The following SENP5 variants were observed in gnomAD, a reference collection of about 807,000 sequenced individuals.
SENP5 encodes the protein sentrin-specific protease 5.
In SENP5, 21 loss-of-function variants were observed where a neutral mutation model predicts 74.2. The ratio of observed to expected loss-of-function variants is 0.28; its 90% CI spans 0.20 to 0.41. The LOEUF (loss-of-function observed/expected upper bound fraction) is 0.41, where lower values mean the gene tolerates loss of function less well. SENP5 is among the 10% of genes least tolerant of loss of function. SENP5 has a pLI of 1.00. For missense variants in SENP5, 717 were observed against 889.1 expected (o/e 0.81, Z 2.46); for synonymous variants, 311 against 312.7 (o/e 0.99, Z 0.06).
intron 1 of SENP5, among the ~76,000 whole-genome samples, chr3:196,878,312 CCTTT>C (rs1713569137): frequency 6.6e-6 from 1 of 152,226 alleles, no homozygotes; most frequent in East Asian, 1.9e-4. Flanking sequence ...TCCTGACCTC[CCTTT>C]CTTCTCCCCG....
chr3:196,914,339 C>G (rs1276711555), intron 6 of SENP5: 1 of 151,626 alleles, frequency 6.6e-6, no homozygotes, highest in South Asian at 2.1e-4. Context: ...TATTAGTAAA[C>G]TGATGTTAAA....
At chr3:196,890,322 A>G (rs572916929) in intron 2 of SENP5, among the ~76,000 whole-genome samples, 48 of 152,360 alleles carry the variant, frequency 3.2e-4, no homozygotes, top group African/African-American at 9.1e-4. Flanking sequence ...ATTAGCCACT[A>G]TTGAGTTCTG....
In SENP5 at chr3:196,932,550, CTG is replaced by C. The variant is rs1406592718; in HGVS notation, c.*1631_*1632del. ...TGTCAAACCAGGTCAGTGTTTCTTA[CTG>C]TGTTTCAAGTCGTTAAAAAGACTGA... On this transcript the variant is annotated 3_prime_UTR_variant, in exon 10 of 10. Coordinates refer to ENST00000323460, the MANE Select transcript of SENP5 (RefSeq NM_152699.5). The C allele has an allele frequency of 1.3e-5, 2 of 152,056 alleles. No individual in the cohort carries two copies. 9.4% of individuals were successfully genotyped at this position (152,056 alleles called of 1,614,324 possible). A position where few individuals can be genotyped will look rare whatever the true frequency, so the allele number is the denominator to read the frequency against.
At chr3:196,907,536 T>C (rs141386285) in intron 6 of SENP5, among the ~76,000 whole-genome samples, 8 of 151,642 alleles carry the variant, frequency 5.3e-5, no homozygotes, top group East Asian at 1.9e-4. Context: ...GCAAAAAATA[T>C]ACATTCATGG....
intron 1 of SENP5, among the ~76,000 whole-genome samples, chr3:196,874,985 G>C (rs554881867): frequency 7.2e-5 from 11 of 152,090 alleles, no homozygotes; most frequent in African/African-American, 2.7e-4. Flanking sequence ...TATAGCTTTG[G>C]TTACTCTAAG....
intron 2 of SENP5, 55 bp from the exon 3 acceptor site, chr3:196,899,611 C>CT (rs1299705577): frequency 9.5e-7 from 1 of 1,056,466 alleles, no homozygotes; most frequent in East Asian, 2.4e-5. Flanking sequence ...GAGAATGACT[C>CT]TACTGAAAAT....
chr3:196,916,568 C>T (rs1715386844), intron 6 of SENP5, among the ~76,000 whole-genome samples: 2 of 150,408 alleles, frequency 1.3e-5, no homozygotes, highest in South Asian at 4.2e-4. Flanking sequence ...CCTCTTGTTG[C>T]CCAGGCTGGA....
chr3:196,931,555 C>G lies in SENP5; in HGVS notation c.*632C>G, dbSNP rs1577854375. ...GGCACACTTGTAAGCACAGTGGCTGCTTTGGGAGGAGTAAGGTGTGAGAAA... is the reference window on the plus strand; with the variant it reads ...GGCACACTTGTAAGCACAGTGGCTGGTTTGGGAGGAGTAAGGTGTGAGAAA... On this transcript the variant is annotated 3_prime_UTR_variant, in exon 10 of 10. Coordinates refer to ENST00000323460, the MANE Select transcript of SENP5 (RefSeq NM_152699.5). 1 of 239,212 alleles carries G rather than the reference C, an allele frequency of 4.2e-6. No individual in the cohort carries two copies. The allele number at this position is 239,212 out of a possible 1,614,324, so 14.8% of individuals were successfully genotyped here. A position where few individuals can be genotyped will look rare whatever the true frequency, so the allele number is the denominator to read the frequency against.
intron 6 of SENP5, chr3:196,913,087 A>G (rs1172854526): frequency 6.6e-6 from 1 of 152,204 alleles, no homozygotes; most frequent in East Asian, 1.9e-4. Flanking sequence ...TACAATTAAA[A>G]CAGAAACAAG....
intron 5 of SENP5, among the ~76,000 whole-genome samples, chr3:196,902,009 G>A (rs749925576): frequency 2.0e-5 from 3 of 152,206 alleles, no homozygotes; most frequent in Non-Finnish European, 2.9e-5. Flanking sequence ...ACCGATTTGT[G>A]TTTTGACAAG....
chr3:196,899,341 C>CT (rs1016044452), intron 2 of SENP5, among the ~76,000 whole-genome samples: 1 of 152,140 alleles, frequency 6.6e-6, no homozygotes, highest in African/African-American at 2.4e-5. Flanking sequence ...AGAAGTCACG[C>CT]TTTAAGAGAA....
chr3:196,879,057 C>G (rs1320601709), intron 1 of SENP5, among the ~76,000 whole-genome samples: 1 of 152,160 alleles, frequency 6.6e-6, no homozygotes, highest in East Asian at 1.9e-4. Flanking sequence ...TATAGGGATG[C>G]TATAAGGGGC....
chr3:196,885,847 TAGA>T lies in SENP5; in HGVS notation c.669_671del (p.Arg224del), dbSNP rs750716148. On this transcript the variant is annotated inframe_deletion, in exon 2 of 10. Coordinates refer to ENST00000323460, the MANE Select transcript of SENP5 (RefSeq NM_152699.5). ...CAAAAAAGTTCCAACTTAACCAACA[TAGA>T]AGGATAAAATTATCTCCTCTTATGA... 16 of 1,613,990 alleles carry T rather than the reference TAGA, an allele frequency of 9.9e-6. No individual in the cohort carries two copies. The highest frequency in any genetic ancestry group is 1.4e-5 in the Non-Finnish European group (16 of 1,180,018).
intron 2 of SENP5, among the ~76,000 whole-genome samples, chr3:196,887,530 A>G (rs1714026622): frequency 6.6e-6 from 1 of 150,856 alleles, no homozygotes; most frequent in Non-Finnish European, 1.5e-5. Flanking sequence ...TTTTTAATAT[A>G]GGAGACGCTC....
chr3:196,892,321 A>G (rs1050648095), intron 2 of SENP5, among the ~76,000 whole-genome samples: 2 of 151,346 alleles, frequency 1.3e-5, no homozygotes, highest in African/African-American at 4.9e-5. Flanking sequence ...AATTTTTTGT[A>G]TTTTTAGTAG....
Position 196,889,634 on chromosome 3 carries a change from T to G in SENP5, c.1513+2940T>G, listed in dbSNP as rs188378963. 1.5e-3 allele frequency among the ~76,000 whole-genome samples: 235 copies of G among 152,314 alleles called. 1 individual carries two copies. The highest frequency in any genetic ancestry group is 2.5e-3 in the Non-Finnish European group (173 of 68,030). On this transcript the variant is annotated intron_variant, in intron 2 of 9. Coordinates refer to ENST00000323460, the MANE Select transcript of SENP5 (RefSeq NM_152699.5). ...CAGTTTCAGGTTTAAGAGAATGAAG[T>G]AAGCTCATGGACTCTCTTCTTCCTC...
intron 7 of SENP5, among the ~76,000 whole-genome samples, chr3:196,924,429 C>T (rs73891577): frequency 0.012 from 1,887 of 152,172 alleles, 34 homozygotes; most frequent in African/African-American, 0.04. Context: ...TGGACAAAGG[C>T]TAATTTAGTA....
At chr3:196,869,877 A>C (rs1713136212) in intron 1 of SENP5, among the ~76,000 whole-genome samples, 3 of 145,148 alleles carry the variant, frequency 2.1e-5, no homozygotes, top group Non-Finnish European at 1.5e-5. Context: ...CATTATGTGA[A>C]TCCTTCAAAA....
chr3:196,914,561 CT>C (rs1210781667), intron 6 of SENP5: 1 of 25,388 alleles, frequency 3.9e-5, no homozygotes. Flanking sequence ...CAGAGGTTTG[CT>C]TTAAAAAAAA....
Sources: gnomAD v4.1 joint callset for allele counts (sites outside exome capture counted in the v4.1 genomes callset) on GRCh38, gnomAD v4.1.1 for gene constraint, MANE v1.5 for transcripts, NCBI Gene and HGNC (gene_info 2026-07-23, HGNC 2026-07-21) for gene names.